The following LRP1B variants were observed in gnomAD, a reference collection of about 807,000 sequenced individuals.
The protein encoded by LRP1B is low-density lipoprotein receptor-related protein 1B.
A neutral mutation model predicts 556.6 loss-of-function variants in LRP1B; 217 were observed. The observed-to-expected ratio is 0.39, with a 90% CI of 0.35 to 0.44. The LOEUF (loss-of-function observed/expected upper bound fraction) is 0.44. Ranked by LOEUF, LRP1B falls within the 20% of genes least tolerant of loss-of-function variation. The probability of loss-of-function intolerance (pLI) is 1.00; values close to 1 mark genes in which losing one functional copy is unlikely to be tolerated. For missense variants in LRP1B, 5,053 were observed against 5,620.8 expected, an observed-to-expected ratio of 0.90 and a Z score of 3.23; for synonymous variants, 2,047 against 1,865.8, an observed-to-expected ratio of 1.10 and a Z score of -2.50.
intron 84 of LRP1B, among the ~76,000 whole-genome samples, chr2:140,281,973 T>C (rs1219829621): frequency 6.7e-6 from 1 of 149,280 alleles, no homozygotes; most frequent in Non-Finnish European, 1.5e-5. Context: ...TGAATACTTA[T>C]ACTGGGATGA....
At chr2:141,351,955 T>C (rs1402284052) in intron 3 of LRP1B, among the ~76,000 whole-genome samples, 2 of 151,758 alleles carry the variant, frequency 1.3e-5, no homozygotes, top group East Asian at 3.9e-4. Flanking sequence ...AAAAACATCC[T>C]AGAGACATGA....
chr2:140,908,335 A>C (rs11681527), intron 21 of LRP1B, among the ~76,000 whole-genome samples: 79,119 of 139,290 alleles, frequency 0.57, 21,986 homozygotes, highest in Middle Eastern at 0.65. Flanking sequence ...CTCTCTCTCT[A>C]TATATATATA....
chr2:140,469,051 T>G (rs1038265892), intron 60 of LRP1B, among the ~76,000 whole-genome samples: 1 of 152,128 alleles, frequency 6.6e-6, no homozygotes, highest in Non-Finnish European at 1.5e-5. Context: ...AGTTAAGAAT[T>G]TGGGGGCTAT....
At chr2:141,114,208 A>T (rs1033214468) in intron 7 of LRP1B, among the ~76,000 whole-genome samples, 1 of 152,222 alleles carries the variant, frequency 6.6e-6, no homozygotes, top group Admixed American at 6.5e-5. Context: ...CTCTGGCCCC[A>T]TGGTAGCGTC....
chr2:141,212,535 C>T (rs1023642183), intron 6 of LRP1B, among the ~76,000 whole-genome samples: 3 of 151,184 alleles, frequency 2.0e-5, no homozygotes, highest in Middle Eastern at 3.2e-3. Flanking sequence ...CTGCCCACCT[C>T]GGCCTCCCAG....
chr2:141,709,867 G>A (rs567249268), intron 2 of LRP1B, among the ~76,000 whole-genome samples: 97 of 152,208 alleles, frequency 6.4e-4, no homozygotes, highest in Non-Finnish European at 1.1e-3. Context: ...ATTTCTCACA[G>A]ATCTGGAGGC....
At chr2:140,590,554 C>G (rs577091604) in intron 43 of LRP1B, among the ~76,000 whole-genome samples, 1 of 128,282 alleles carries the variant, frequency 7.8e-6, no homozygotes, top group East Asian at 2.1e-4. Context: ...GCCTAGATCT[C>G]TTTCTCTCTC....
intron 35 of LRP1B, among the ~76,000 whole-genome samples, chr2:140,749,012 C>G (rs1022532882): frequency 6.6e-6 from 1 of 151,340 alleles, no homozygotes; most frequent in African/African-American, 2.4e-5. Flanking sequence ...GCCTGTTGAT[C>G]TTGGACTTCA....
chr2:140,324,818 T>C (rs1680373331), intron 80 of LRP1B, among the ~76,000 whole-genome samples: 1 of 151,666 alleles, frequency 6.6e-6, no homozygotes, highest in Non-Finnish European at 1.5e-5. Flanking sequence ...GTAAAATGTG[T>C]ACCAAAGCCA....
intron 2 of LRP1B, among the ~76,000 whole-genome samples, chr2:141,497,267 A>T (rs1683541079): frequency 6.6e-6 from 1 of 152,010 alleles, no homozygotes; most frequent in South Asian, 2.1e-4. Context: ...GGAAACTGGC[A>T]TGAAGGACAT....
At chr2:140,797,903 C>T (rs1690373592) in intron 32 of LRP1B, among the ~76,000 whole-genome samples, 1 of 152,122 alleles carries the variant, frequency 6.6e-6, no homozygotes, top group African/African-American at 2.4e-5. Context: ...GTTCTTCCCG[C>T]AGGTACCTGA....
intron 35 of LRP1B, among the ~76,000 whole-genome samples, chr2:140,725,126 C>T (rs1687546418): frequency 6.6e-6 from 1 of 152,092 alleles, no homozygotes; most frequent in African/African-American, 2.4e-5. Flanking sequence ...ACCTGTTTTT[C>T]CATTCTAAAA....
chr2:142,128,544 C>T (rs13422148), intron 1 of LRP1B, among the ~76,000 whole-genome samples: 5,967 of 152,246 alleles, frequency 0.039, 167 homozygotes, highest in South Asian at 0.095. Context: ...CAAGATTTCT[C>T]TCTTTAAAAT....
chr2:141,812,588 A>C (rs1696393768), intron 1 of LRP1B, among the ~76,000 whole-genome samples: 1 of 152,160 alleles, frequency 6.6e-6, no homozygotes, highest in African/African-American at 2.4e-5. Context: ...AAAATGATTT[A>C]TGGTGTTGGA....
At chr2:140,256,876 T>A (rs1257492030) in intron 86 of LRP1B, among the ~76,000 whole-genome samples, 1 of 151,250 alleles carries the variant, frequency 6.6e-6, no homozygotes, top group Non-Finnish European at 1.5e-5. Context: ...TCTGAGTTAG[T>A]TTAACTCGGC....
intron 41 of LRP1B, among the ~76,000 whole-genome samples, chr2:140,688,813 T>C (rs914415047): frequency 6.6e-6 from 1 of 152,182 alleles, no homozygotes; most frequent in Non-Finnish European, 1.5e-5. Context: ...GTGGCCTGGT[T>C]ACTCAGCATA....
chr2:141,835,680 A>T (rs16847314), intron 1 of LRP1B, among the ~76,000 whole-genome samples: 10,471 of 151,928 alleles, frequency 0.069, 485 homozygotes, highest in South Asian at 0.18. Context: ...CATCTTTTGC[A>T]GTCATATTTT....
chr2:140,748,343 T>A (rs182870862), intron 35 of LRP1B, among the ~76,000 whole-genome samples: 7 of 76,222 alleles, frequency 9.2e-5, no homozygotes, highest in Non-Finnish European at 1.8e-4. Flanking sequence ...ATTCATATAT[T>A]ATATTCATAT....
At chr2:140,768,569 C>T (rs1238502870) in intron 35 of LRP1B, among the ~76,000 whole-genome samples, 1 of 151,884 alleles carries the variant, frequency 6.6e-6, no homozygotes, top group Non-Finnish European at 1.5e-5. Context: ...CGCCAAAAAA[C>T]TTGTTTACTT....
Sources: gnomAD v4.1 joint callset for allele counts (sites outside exome capture counted in the v4.1 genomes callset) on GRCh38, gnomAD v4.1.1 for gene constraint, MANE v1.5 for transcripts, NCBI Gene and HGNC (gene_info 2026-07-23, HGNC 2026-07-21) for gene names.